The following MECOM variants were observed in gnomAD, a reference collection of about 807,000 sequenced individuals.
MECOM encodes histone-lysine N-methyltransferase MECOM.
In MECOM, 13 loss-of-function variants were observed where a neutral mutation model predicts 116.3. That is an observed-to-expected ratio of 0.11 (90% CI 0.07 to 0.18). MECOM has a LOEUF of 0.18. MECOM is among the 10% of genes least tolerant of loss of function. The pLI is 1.00. For synonymous variants in MECOM, 528 were observed against 535.2 expected (o/e 0.99, Z 0.19); for missense variants, 1,299 against 1,509.0 (o/e 0.86, Z 2.31).
chr3:169,087,357 G>T (rs1718128866), intron 16 of MECOM, among the ~76,000 whole-genome samples: 1 of 152,124 alleles, frequency 6.6e-6, no homozygotes, highest in East Asian at 1.9e-4. Flanking sequence ...AGTAATTTGG[G>T]AGGCTGAGGT....
intron 1 of MECOM, among the ~76,000 whole-genome samples, chr3:169,442,428 T>C (rs1743888616): frequency 6.6e-6 from 1 of 152,210 alleles, no homozygotes; most frequent in South Asian, 2.1e-4. Context: ...TTTAATAGTC[T>C]GCTTTTATTT....
At chr3:169,455,868 T>C (rs2108698761) in intron 1 of MECOM, among the ~76,000 whole-genome samples, 1 of 152,298 alleles carries the variant, frequency 6.6e-6, no homozygotes, top group Admixed American at 6.5e-5. Context: ...TCTTATTGGT[T>C]TGACGTGGCT....
intron 2 of MECOM, among the ~76,000 whole-genome samples, chr3:169,224,473 C>A (rs1752495800): frequency 6.6e-6 from 1 of 152,104 alleles, no homozygotes; most frequent in South Asian, 2.1e-4. Flanking sequence ...AAACGCAGCC[C>A]CAACACTTTC....
intron 1 of MECOM, among the ~76,000 whole-genome samples, chr3:169,653,058 G>A (rs1345420325): frequency 2.6e-5 from 4 of 152,196 alleles, no homozygotes; most frequent in Non-Finnish European, 4.4e-5. Flanking sequence ...CTGGCAAAAT[G>A]AGGGACATTA....
intron 1 of MECOM, among the ~76,000 whole-genome samples, chr3:169,388,195 A>G (rs1733681954): frequency 6.6e-6 from 1 of 152,130 alleles, no homozygotes; most frequent in African/African-American, 2.4e-5. Flanking sequence ...GCCTGCTAAC[A>G]GTGCGGCAGG....
In MECOM at chr3:169,381,381, C is replaced by A. The variant is rs1310987523; in HGVS notation, c.181G>T (p.Gly61Cys). 3 of 1,613,830 alleles carry A rather than the reference C, an allele frequency of 1.9e-6. No individual in the cohort carries two copies. The change falls in exon 2 of 17, where the codon GGT (glycine) becomes TGT (cysteine). Residue 61 changes from glycine to cysteine, a missense_variant. Coordinates refer to ENST00000651503, the MANE Select transcript of MECOM (RefSeq NM_004991.4). ...TSSEAFTPKE[G>C]SPYKAPIYIP... ...TAGATGGGGGCTTTGTAAGGAGAACCCTCCTTTGGAGTGAATGCTTCACTG... is the reference window on the plus strand; with the variant it reads ...TAGATGGGGGCTTTGTAAGGAGAACACTCCTTTGGAGTGAATGCTTCACTG...
At chr3:169,566,263 G>C (rs1236776041) in intron 1 of MECOM, among the ~76,000 whole-genome samples, 6 of 152,098 alleles carry the variant, frequency 3.9e-5, no homozygotes, top group Non-Finnish European at 8.8e-5. Flanking sequence ...ATCACCTGGG[G>C]AAGAGTTTTA....
chr3:169,567,981 C>A (rs976747296), intron 1 of MECOM, among the ~76,000 whole-genome samples: 1 of 152,140 alleles, frequency 6.6e-6, no homozygotes, highest in African/African-American at 2.4e-5. Flanking sequence ...GAGATCAATG[C>A]AGAAGGCAGG....
At chr3:169,604,741 G>A (rs1768283536) in intron 1 of MECOM, among the ~76,000 whole-genome samples, 1 of 152,092 alleles carries the variant, frequency 6.6e-6, no homozygotes, top group African/African-American at 2.4e-5. Flanking sequence ...AACTCAAGAG[G>A]GACTTGCAGG....
intron 2 of MECOM, among the ~76,000 whole-genome samples, chr3:169,197,401 T>TA (rs1748573192): frequency 5.3e-5 from 8 of 151,970 alleles, no homozygotes; most frequent in Admixed American, 4.6e-4. Flanking sequence ...GATAAATGAA[T>TA]AAAGTCTCCA....
At chr3:169,364,971 A>G (rs994730705) in intron 2 of MECOM, among the ~76,000 whole-genome samples, 1 of 152,012 alleles carries the variant, frequency 6.6e-6, no homozygotes, top group Admixed American at 6.6e-5. Flanking sequence ...TACTTAATGG[A>G]AAGAATTATG....
chr3:169,495,646 G>A (rs1753721258), intron 1 of MECOM, among the ~76,000 whole-genome samples: 1 of 152,152 alleles, frequency 6.6e-6, no homozygotes, highest in Non-Finnish European at 1.5e-5. Context: ...TTCTTTCCAT[G>A]GCTTTTCCAA....
At chr3:169,497,308 A>C (rs1337342372) in intron 1 of MECOM, among the ~76,000 whole-genome samples, 1 of 151,406 alleles carries the variant, frequency 6.6e-6, no homozygotes, top group Non-Finnish European at 1.5e-5. Context: ...TAGCCCACTA[A>C]CTAGCTCTCT....
intron 7 of MECOM, among the ~76,000 whole-genome samples, chr3:169,117,295 C>G (rs959337437): frequency 2.0e-5 from 3 of 152,154 alleles, no homozygotes; most frequent in African/African-American, 7.2e-5. Flanking sequence ...ATCATATGCT[C>G]TCATCATTCA....
chr3:169,376,764 T>C (rs1731109692), intron 2 of MECOM, among the ~76,000 whole-genome samples: 1 of 152,168 alleles, frequency 6.6e-6, no homozygotes, highest in Admixed American at 6.5e-5. Flanking sequence ...CAAAGTAATT[T>C]ATAGATTCAA....
chr3:169,382,199 G>A (rs1054691540), intron 1 of MECOM, among the ~76,000 whole-genome samples: 1 of 152,100 alleles, frequency 6.6e-6, no homozygotes, highest in African/African-American at 2.4e-5. Context: ...AAAGAAATTG[G>A]GTAAATTTTC....
At chr3:169,095,043 C>A in intron 13 of MECOM, 33 bp downstream of exon 13, 4 of 1,474,334 alleles carry the variant, frequency 2.7e-6, no homozygotes, top group Middle Eastern at 1.9e-4. Context: ...AAAAAGAAGT[C>A]ATCTTTGACT....
At chr3:169,385,669 C>A (rs1733203962) in intron 1 of MECOM, among the ~76,000 whole-genome samples, 2 of 152,122 alleles carry the variant, frequency 1.3e-5, no homozygotes, top group Non-Finnish European at 2.9e-5. Flanking sequence ...ATATACATTA[C>A]TCAAAAACTA....
intron 10 of MECOM, among the ~76,000 whole-genome samples, chr3:169,104,050 A>C (rs1418134468): frequency 6.6e-6 from 1 of 152,214 alleles, no homozygotes; most frequent in Non-Finnish European, 1.5e-5. Flanking sequence ...GTCAGACGAC[A>C]AATGTGAACG....
Sources: allele counts gnomAD v4.1 joint callset (sites outside exome capture counted in the v4.1 genomes callset), GRCh38; gene constraint gnomAD v4.1.1; transcripts MANE v1.5; gene names NCBI Gene and HGNC (gene_info 2026-07-23, HGNC 2026-07-21).